Variants in ZNF827 observed in about 807,000 individuals in gnomAD.
ZNF827 encodes zinc finger protein 827.
In ZNF827, 13 loss-of-function variants were observed where a neutral mutation model predicts 102.4. The ratio of observed to expected loss-of-function variants is 0.13; its 90% CI spans 0.08 to 0.20. The LOEUF (loss-of-function observed/expected upper bound fraction) is 0.20. ZNF827 is among the 10% of genes least tolerant of loss of function. The pLI, the probability that ZNF827 is intolerant of heterozygous loss-of-function variation, is 1.00. For synonymous variants in ZNF827, 523 were observed against 536.2 expected, an observed-to-expected ratio of 0.98 and a Z score of 0.34; for missense variants, 1,103 against 1,344.4, an observed-to-expected ratio of 0.82 and a Z score of 2.81.
intron 5 of ZNF827, among the ~76,000 whole-genome samples, chr4:145,857,445 G>T (rs1342079874): frequency 1.6e-4 from 24 of 152,116 alleles, no homozygotes. Flanking sequence ...AATTAGTCTT[G>T]TGTCCTCTAC....
chr4:145,778,687 C>T (rs902706288), intron 9 of ZNF827, among the ~76,000 whole-genome samples: 7 of 152,192 alleles, frequency 4.6e-5, no homozygotes, highest in South Asian at 2.1e-4. Flanking sequence ...GTGTGATGTA[C>T]GAAATCTTTA....
chr4:145,826,735 C>A (rs1743720994), intron 7 of ZNF827, among the ~76,000 whole-genome samples: 2 of 152,084 alleles, frequency 1.3e-5, no homozygotes, highest in Admixed American at 1.3e-4. Flanking sequence ...AGGTTTCCGG[C>A]AACCACTGTG....
At chr4:145,823,268 T>A (rs997790951) in intron 8 of ZNF827, among the ~76,000 whole-genome samples, 154 bp downstream of exon 8, 3 of 152,254 alleles carry the variant, frequency 2.0e-5, no homozygotes, top group South Asian at 4.1e-4. Context: ...AATAAACTTT[T>A]GTAGCTTAAA....
chr4:145,837,959 C>T (rs1403537274), intron 7 of ZNF827, among the ~76,000 whole-genome samples: 5 of 152,092 alleles, frequency 3.3e-5, no homozygotes, highest in Admixed American at 2.0e-4. Context: ...AAACATCGCC[C>T]ATTCTCTCTC....
Position 145,759,680 on chromosome 4 carries a change from T to C in ZNF827, c.*1936A>G, listed in dbSNP as rs557208861. The C allele has an allele frequency of 1.3e-5, 2 of 151,538 alleles. No homozygotes were observed. The highest frequency in any genetic ancestry group is 1.3e-4 in the Admixed American group (2 of 15,280). 9.4% of individuals were successfully genotyped at this position (151,538 alleles called of 1,614,324 possible). ...TAAAAAAGGTACATTTTCTTCCTTTTATTTTACTTTTTTTTTTTCAGATGA... is the reference window on the plus strand; with the variant it reads ...TAAAAAAGGTACATTTTCTTCCTTTCATTTTACTTTTTTTTTTTCAGATGA... On this transcript the variant is annotated 3_prime_UTR_variant, in exon 15 of 15. Coordinates refer to ENST00000508784, the MANE Select transcript of ZNF827 (RefSeq NM_001306215.2).
chr4:145,808,725 AATATCTCCATTT>A (rs1741735159), intron 8 of ZNF827, among the ~76,000 whole-genome samples: 1 of 152,218 alleles, frequency 6.6e-6, no homozygotes. Context: ...TTTCATTGAA[AATATCTCCATTT>A]ACTTTAGCTG....
At chr4:145,844,452 G>A (rs779816639) in intron 7 of ZNF827, among the ~76,000 whole-genome samples, 1 of 150,828 alleles carries the variant, frequency 6.6e-6, no homozygotes, top group Non-Finnish European at 1.5e-5. Context: ...GGCCGAGGCA[G>A]GCAGATCGCT....
At chr4:145,899,695 C>CA (rs1354157534) in intron 2 of ZNF827, among the ~76,000 whole-genome samples, 2 of 152,098 alleles carry the variant, frequency 1.3e-5, no homozygotes, top group African/African-American at 2.4e-5. Context: ...ATGAGTTTTA[C>CA]AAAATGAAAG....
chr4:145,893,765 C>G (rs1750778889), intron 2 of ZNF827, among the ~76,000 whole-genome samples: 1 of 152,142 alleles, frequency 6.6e-6, no homozygotes. Context: ...ATATAACTAA[C>G]CCTTTATTGG....
chr4:145,799,894 G>C (rs556203777), intron 8 of ZNF827, among the ~76,000 whole-genome samples: 1 of 152,324 alleles, frequency 6.6e-6, no homozygotes, highest in African/African-American at 2.4e-5. Flanking sequence ...GATAACAAGA[G>C]AGAAGGAGCC....
At chr4:145,857,491 A>G (rs1219017727) in intron 5 of ZNF827, among the ~76,000 whole-genome samples, 3 of 152,186 alleles carry the variant, frequency 2.0e-5, no homozygotes. Flanking sequence ...CGACTGAGCT[A>G]ACTCAGTTGG....
chr4:145,896,473 C>G (rs1186601592), intron 2 of ZNF827, among the ~76,000 whole-genome samples: 1 of 152,104 alleles, frequency 6.6e-6, no homozygotes, highest in Admixed American at 6.5e-5. Context: ...GCCTGGAAGT[C>G]CTTACCTTTG....
rs751621885 is a variant in ZNF827, at chr4:145,902,641, C to A, written c.618G>T (p.Leu206Phe). 12 of 1,614,056 alleles carry A rather than the reference C, an allele frequency of 7.4e-6. No individual in the cohort carries two copies. The highest frequency in any genetic ancestry group is 1.0e-5 in the Non-Finnish European group (12 of 1,180,008). Reference protein sequence around the residue: ...WLPNSTTTCSLSPDSAILKLK... With the variant: ...WLPNSTTTCSFSPDSAILKLK... ...GTTTTAGGATGGCTGAATCCGGAGA[C>A]AAGCTGCAGGTGGTGGTTGAGTTTG... The change falls in exon 2 of 15, where the codon TTG becomes TTT. Residue 206 changes from leucine (L) to phenylalanine (F), a missense_variant. This residue lies in a region of ZNF827 where 441 missense variants were observed against 458.6 expected (regional missense o/e 0.96). Transcript: ENST00000508784. This position sits in a 1 kb window ranked among gnomAD's most constrained non-coding sequence, Gnocchi z 4.3.
intron 5 of ZNF827, among the ~76,000 whole-genome samples, chr4:145,855,220 T>C (rs1746952553): frequency 6.6e-6 from 1 of 152,234 alleles, no homozygotes; most frequent in East Asian, 1.9e-4. Flanking sequence ...TTGGAACTAG[T>C]ATTGTAGAAC....
intron 2 of ZNF827, among the ~76,000 whole-genome samples, chr4:145,897,953 G>A (rs1751103123): frequency 6.6e-6 from 1 of 152,070 alleles, no homozygotes; most frequent in Non-Finnish European, 1.5e-5. Context: ...CCAGAAGTTC[G>A]AGACCAGCCT....
chr4:145,825,241 G>A (rs957322011), intron 7 of ZNF827, among the ~76,000 whole-genome samples: 16 of 152,312 alleles, frequency 1.1e-4, no homozygotes, highest in African/African-American at 3.8e-4. Context: ...CAAGGAGCTG[G>A]GGAAGGCGGC....
intron 8 of ZNF827, among the ~76,000 whole-genome samples, chr4:145,820,662 C>T (rs1286335857): frequency 6.6e-6 from 1 of 152,188 alleles, no homozygotes; most frequent in East Asian, 1.9e-4. Flanking sequence ...CCAACTCATC[C>T]TCTGTCTGCT....
At chr4:145,869,142 CA>C (rs1748469719) in intron 5 of ZNF827, among the ~76,000 whole-genome samples, 1 of 152,186 alleles carries the variant, frequency 6.6e-6, no homozygotes, top group Admixed American at 6.5e-5. Context: ...TTATTTATAA[CA>C]AATCATGTTA....
rs77658749 is a variant in ZNF827, at chr4:145,926,378, A to G, written c.43+11987T>C. Among the ~76,000 whole-genome samples the G allele has an allele frequency of 8.9e-3, 1,355 of 152,338 alleles. 8 individuals carry two copies. The highest frequency in any genetic ancestry group is 0.014 in the Non-Finnish European group (942 of 68,038). The stretch of plus-strand genomic sequence containing the variant: ...TCTCATATGATGATTTCAAGAGCCT[A>G]CAACATTCTAGTTGCCTCCCTTCTT... On this transcript the variant is annotated intron_variant, in intron 1 of 14. Transcript: ENST00000508784.
Sources: gnomAD v4.1 joint callset for allele counts (sites outside exome capture counted in the v4.1 genomes callset) on GRCh38, gnomAD v4.1.1 for gene constraint, gnomAD v4.1.1 regional missense constraint, Gnocchi (gnomAD v3.1) non-coding constraint, MANE v1.5 for transcripts, NCBI Gene and HGNC (gene_info 2026-07-23, HGNC 2026-07-21) for gene names.